Variants in SCLT1 observed in about 807,000 individuals in gnomAD.
SCLT1 encodes sodium channel and clathrin linker 1.
Under a neutral mutation model 112.8 loss-of-function variants are expected in SCLT1, and 78 were observed. The observed-to-expected ratio is 0.69, with a 90% confidence interval of 0.58 to 0.83. The LOEUF is 0.83. Among genes scored for constraint, SCLT1 ranks in the 40% least tolerant of loss-of-function variants. The probability of loss-of-function intolerance (pLI) is 0.00; values close to 1 mark genes in which losing one functional copy is unlikely to be tolerated. For synonymous variants in SCLT1, 257 were observed against 254.7 expected (o/e 1.01, Z -0.09); for missense variants, 747 against 770.4 (o/e 0.97, Z 0.36).
At chr4:129,018,180 A>G (rs1256266655) in intron 5 of SCLT1, among the ~76,000 whole-genome samples, 1 of 152,192 alleles carries the variant, frequency 6.6e-6, no homozygotes, top group African/African-American at 2.4e-5. Flanking sequence ...CTTTTCTCCC[A>G]CTATTTCCCA....
intron 18 of SCLT1, among the ~76,000 whole-genome samples, chr4:128,903,513 T>C (rs1034799115): frequency 1.3e-5 from 2 of 152,164 alleles, no homozygotes; most frequent in African/African-American, 4.8e-5. Flanking sequence ...GCTCAAGATT[T>C]ACTGAGGAAT....
At chr4:128,912,380 T>C (rs1405665450) in intron 18 of SCLT1, among the ~76,000 whole-genome samples, 1 of 152,166 alleles carries the variant, frequency 6.6e-6, no homozygotes, top group Non-Finnish European at 1.5e-5. Flanking sequence ...GGGTAGATTA[T>C]CACCTTTGTA....
At chr4:129,010,791 G>GA (rs1451618999) in intron 5 of SCLT1, among the ~76,000 whole-genome samples, 2 of 152,276 alleles carry the variant, frequency 1.3e-5, no homozygotes, top group Admixed American at 1.3e-4. Context: ...AGAATTTGCT[G>GA]AAGTTGTTTG....
intron 14 of SCLT1, among the ~76,000 whole-genome samples, chr4:128,950,771 A>G (rs1452140482): frequency 6.6e-6 from 1 of 152,214 alleles, no homozygotes; most frequent in Non-Finnish European, 1.5e-5. Context: ...AGAAAAGATC[A>G]TAATGAACAT....
chr4:128,954,827 G>A (rs1164380542), intron 13 of SCLT1, among the ~76,000 whole-genome samples: 2 of 152,046 alleles, frequency 1.3e-5, no homozygotes, highest in Non-Finnish European at 2.9e-5. Context: ...TATAGATGAG[G>A]AAGACTGAGG....
intron 18 of SCLT1, among the ~76,000 whole-genome samples, chr4:128,899,818 T>G (rs544288514): frequency 6.6e-6 from 1 of 152,310 alleles, no homozygotes. Flanking sequence ...ATAGGCAACT[T>G]CAGCAAAGTC....
intron 9 of SCLT1, among the ~76,000 whole-genome samples, chr4:128,985,537 T>C (rs980810510): frequency 6.6e-6 from 1 of 152,230 alleles, no homozygotes; most frequent in South Asian, 2.1e-4. Flanking sequence ...ATTATTCTCA[T>C]TGATACTTAA....
At chr4:129,069,548 T>C (rs935725462) in intron 2 of SCLT1, among the ~76,000 whole-genome samples, 1 of 152,180 alleles carries the variant, frequency 6.6e-6, no homozygotes, top group South Asian at 2.1e-4. Flanking sequence ...AGTTCTTGAT[T>C]TGATTCTCTG....
intron 1 of SCLT1, among the ~76,000 whole-genome samples, chr4:129,092,205 C>T (rs1240971024): frequency 6.6e-6 from 1 of 152,188 alleles, no homozygotes; most frequent in Admixed American, 6.5e-5. Context: ...GAAGACAGGG[C>T]CCTTCACCAT....
intron 13 of SCLT1, among the ~76,000 whole-genome samples, chr4:128,954,634 T>C (rs1035706482): frequency 4.6e-5 from 7 of 152,178 alleles, no homozygotes; most frequent in Admixed American, 2.0e-4. Flanking sequence ...AGGTTATAAT[T>C]TGATGTAGAC....
Position 128,885,949 on chromosome 4 carries a change from C to T in SCLT1, c.2005-1410G>A, listed in dbSNP as rs149016223. Among the ~76,000 whole-genome samples, 1,308 of 151,876 alleles carry T rather than the reference C, an allele frequency of 8.6e-3. 12 individuals are homozygous for T. The highest frequency in any genetic ancestry group is 0.027 in the Middle Eastern group (8 of 294). ...AAACTTCCTTTATATATTTGTCTAC[C>T]GGACTGTGGCATTTTTTGAAAACTT... On this transcript the variant is annotated intron_variant, in intron 20 of 20. Coordinates refer to ENST00000281142, the MANE Select transcript of SCLT1 (RefSeq NM_144643.4).
intron 2 of SCLT1, among the ~76,000 whole-genome samples, chr4:129,066,415 T>C (rs1046842911): frequency 1.3e-5 from 2 of 152,058 alleles, no homozygotes; most frequent in African/African-American, 2.4e-5. Flanking sequence ...TATTTGACAT[T>C]ACTACCAAAT....
intron 18 of SCLT1, among the ~76,000 whole-genome samples, chr4:128,899,259 G>A (rs1327889448): frequency 5.3e-5 from 8 of 152,158 alleles, no homozygotes; most frequent in Admixed American, 2.0e-4. Context: ...GATGAACATC[G>A]ATGCAAAAAT....
At chr4:129,023,262 C>T (rs1483088590) in intron 5 of SCLT1, among the ~76,000 whole-genome samples, 1 of 152,148 alleles carries the variant, frequency 6.6e-6, no homozygotes, top group Non-Finnish European at 1.5e-5. Flanking sequence ...ATCCAGCTAG[C>T]ATCATGGCGA....
intron 18 of SCLT1, among the ~76,000 whole-genome samples, chr4:128,906,622 T>C (rs1025004855): frequency 2.0e-5 from 3 of 152,196 alleles, no homozygotes; most frequent in African/African-American, 4.8e-5. Context: ...TTAAAGTTAT[T>C]TGAAGAATGA....
chr4:129,003,919 G>C lies in SCLT1; in HGVS notation c.291-43C>G, dbSNP rs574611506. The C allele has an allele frequency of 3.9e-5, 62 of 1,582,064 alleles. No homozygotes were observed. In the East Asian group the frequency reaches 6.6e-4, roughly 17 times the overall value. On this transcript the variant is annotated intron_variant, in intron 5 of 20. Coordinates refer to ENST00000281142, the MANE Select transcript of SCLT1 (RefSeq NM_144643.4). The stretch of plus-strand genomic sequence containing the variant: ...AACATGATAGCCTCAAGTCATTTTC[G>C]TAACAGTAATTACTGTTTCGAGGTC...
intron 9 of SCLT1, among the ~76,000 whole-genome samples, chr4:128,981,800 G>C (rs1162180630): frequency 6.6e-6 from 1 of 151,872 alleles, no homozygotes; most frequent in Non-Finnish European, 1.5e-5. Flanking sequence ...GTCTACAGTC[G>C]AGGCACACAG....
chr4:128,881,604 A>ACAT (rs529261058), downstream of SCLT1, among the ~76,000 whole-genome samples: 143 of 152,318 alleles, frequency 9.4e-4, no homozygotes, highest in African/African-American at 3.3e-3. Flanking sequence ...CAATAAAGAA[A>ACAT]CATGAATAAA....
intron 5 of SCLT1, among the ~76,000 whole-genome samples, chr4:129,033,162 T>C (rs1046794407): frequency 6.6e-6 from 1 of 151,982 alleles, no homozygotes; most frequent in African/African-American, 2.4e-5. Context: ...TATGCAGCCA[T>C]AAAAAAGAAT....
Sources: allele counts gnomAD v4.1 joint callset (sites outside exome capture counted in the v4.1 genomes callset), GRCh38; gene constraint gnomAD v4.1.1; transcripts MANE v1.5; gene names NCBI Gene and HGNC (gene_info 2026-07-23, HGNC 2026-07-21).